The following ATP2C2 variants were observed in gnomAD, a reference collection of about 807,000 sequenced individuals.
ATP2C2 encodes the protein calcium-transporting ATPase type 2C member 2.
Under a neutral mutation model 110.8 loss-of-function variants are expected in ATP2C2, and 171 were observed. The ratio of observed to expected loss-of-function variants is 1.54; its 90% CI spans 1.36 to 1.75. ATP2C2 has a LOEUF of 1.75. ATP2C2 is among the 40% of genes most tolerant of loss of function. The pLI is 0.00. For missense variants in ATP2C2, 1,963 were observed against 1,235.0 expected, an observed-to-expected ratio of 1.59 and a Z score of -8.84; for synonymous variants, 804 against 508.4, an observed-to-expected ratio of 1.58 and a Z score of -7.82.
intron 1 of ATP2C2, among the ~76,000 whole-genome samples, chr16:84,387,104 A>G (rs1160193534): frequency 1.3e-5 from 2 of 151,150 alleles, no homozygotes; most frequent in Admixed American, 1.3e-4. Context: ...CTGAACAAGC[A>G]TGCCGCGCTC....
At chr16:84,422,562 C>T in intron 8 of ATP2C2, 23 bp downstream of exon 8, 1 of 1,612,532 alleles carries the variant, frequency 6.2e-7, no homozygotes, top group Non-Finnish European at 8.5e-7. Context: ...ACACCGAGGC[C>T]TTGGGCTCCC....
chr16:84,450,003 C>G (rs1213234577), intron 17 of ATP2C2, among the ~76,000 whole-genome samples: 2 of 152,228 alleles, frequency 1.3e-5, no homozygotes, highest in African/African-American at 4.8e-5. Flanking sequence ...GGTGACACAG[C>G]CCTGCCTAGT....
In ATP2C2 at chr16:84,448,686, C is replaced by G. The variant is rs373029761; in HGVS notation, c.1657C>G (p.Arg553Gly). ...GAAGAGGATGGGGTCGCTCGGTTTG[C>G]GGGGTCAGTGCCTGTGGTCCCGGCC... ...EEKRMGSLGL[R>G]VLALASGPEL... The change falls in exon 17 of 27, where the codon CGG (arginine) becomes GGG (glycine). Residue 553 changes from arginine (R) to glycine (G), a missense_variant. Physicochemically the swap from Arg to Gly is moderately radical, Grantham distance 125. Coordinates refer to ENST00000262429, the MANE Select transcript of ATP2C2 (RefSeq NM_014861.4). 2.5e-6 allele frequency: 4 copies of G among 1,610,628 alleles called. No individual in the cohort carries two copies. The African/African-American group carries it at 5.3e-5, about 22-fold the overall frequency.
intron 24 of ATP2C2, 52 bp from the exon 25 acceptor site, chr16:84,461,662 A>G (rs1911352406): frequency 6.5e-7 from 1 of 1,527,670 alleles, no homozygotes; most frequent in East Asian, 2.2e-5. Context: ...TTGGTTCAGG[A>G]TGGAGGTTGT....
Position 84,372,421 on chromosome 16 carries a change from T to G in ATP2C2, c.99+3707T>G, listed in dbSNP as rs545796378. On this transcript the variant is annotated intron_variant, in intron 1 of 26. Transcript: ENST00000262429. ...ACATGTGGGCATCTTCTTAAAGAAA[T>G]GTACTGCAACCCCACAGTGTTTTTT... Among the ~76,000 whole-genome samples, 140 of 152,254 alleles carry G rather than the reference T, an allele frequency of 9.2e-4. 1 individual carries two copies. The highest frequency in any genetic ancestry group is 3.2e-3 in the African/African-American group (134 of 41,558).
chr16:84,408,153 C>T (rs991821285), intron 3 of ATP2C2, among the ~76,000 whole-genome samples: 1 of 152,216 alleles, frequency 6.6e-6, no homozygotes, highest in Non-Finnish European at 1.5e-5. Flanking sequence ...AGACCAAGAA[C>T]TCAAAGGCAG....
rs1911383121 is a variant in ATP2C2 at position 84,461,831 on chromosome 16, C to T, written c.2580+19C>T. On this transcript the variant is annotated intron_variant, in intron 25 of 26. Coordinates refer to ENST00000262429, the MANE Select transcript of ATP2C2 (RefSeq NM_014861.4). ...CTCTCAGGTGAGACCCGGGCTGACC[C>T]TCCTCGCTGCAGAGCTGCTGTGTGT... The T allele has an allele frequency of 6.2e-7, 1 of 1,611,386 alleles. No homozygotes were observed. The highest frequency in any genetic ancestry group is 1.1e-5 in the South Asian group (1 of 91,022).
chr16:84,409,621 C>A (rs141961354), intron 4 of ATP2C2, among the ~76,000 whole-genome samples: 1 of 152,066 alleles, frequency 6.6e-6, no homozygotes, highest in Non-Finnish European at 1.5e-5. Context: ...GCCTTCTGAG[C>A]AGCTGGGATT....
At position 84,449,417 on chromosome 16, in the gene ATP2C2, G is replaced by GC. The variant is rs537493574; in HGVS notation, c.1660+735dup. On this transcript the variant is annotated intron_variant, in intron 17 of 26. Transcript: ENST00000262429. ...GCGTTCCCCAAAGCATTGGCACTTT[G>GC]CCCCCCCAAATGGTTTGTGTTGCGC... Among the ~76,000 whole-genome samples the GC allele has an allele frequency of 1.9e-3, 291 of 152,214 alleles. 1 individual carries two copies. The highest frequency in any genetic ancestry group is 4.9e-3 in the African/African-American group (202 of 41,534).
chr16:84,409,874 A>G (rs1906116076), intron 4 of ATP2C2, among the ~76,000 whole-genome samples: 1 of 152,172 alleles, frequency 6.6e-6, no homozygotes, highest in African/African-American at 2.4e-5. Context: ...AAATACAAAC[A>G]CAGACTCATT....
chr16:84,423,433 A>G (rs1188770762), intron 10 of ATP2C2, among the ~76,000 whole-genome samples, 170 bp downstream of exon 10: 1 of 152,238 alleles, frequency 6.6e-6, no homozygotes, highest in Non-Finnish European at 1.5e-5. Context: ...TAGTTGGACC[A>G]GGCTGGCTGC....
intron 1 of ATP2C2, among the ~76,000 whole-genome samples, chr16:84,389,761 C>T (rs912550900): frequency 1.8e-4 from 26 of 147,484 alleles, no homozygotes; most frequent in South Asian, 2.1e-4. Context: ...AGCTCTGTCA[C>T]CCAGGCTGGA....
At chr16:84,427,151 G>A (rs778021469) in intron 11 of ATP2C2, among the ~76,000 whole-genome samples, 38 of 152,194 alleles carry the variant, frequency 2.5e-4, no homozygotes, top group Admixed American at 1.0e-3. Context: ...TGTCTGCAAC[G>A]TGTTTTTAGG....
At chr16:84,409,561 C>T (rs935649980) in intron 4 of ATP2C2, among the ~76,000 whole-genome samples, 1 of 152,042 alleles carries the variant, frequency 6.6e-6, no homozygotes, top group Non-Finnish European at 1.5e-5. Flanking sequence ...CCAGGCTGGA[C>T]AGCAGTGCCG....
chr16:84,398,623 T>G lies in ATP2C2; in HGVS notation c.210+14T>G, dbSNP rs752169772. ...AGAGCGTTTTGTGTAAGAATTGAAT[T>G]TGCATCTGGAGCTAATTGTGATAAG... On this transcript the variant is annotated intron_variant, in intron 2 of 26. Coordinates refer to ENST00000262429, the MANE Select transcript of ATP2C2 (RefSeq NM_014861.4). 1 of 1,586,444 alleles carries G rather than the reference T, an allele frequency of 6.3e-7. No homozygotes were observed. Among genetic ancestry groups the G allele is most frequent in the Non-Finnish European group, 8.6e-7 (1 of 1,160,368 alleles).
Position 84,408,667 on chromosome 16 carries a change from G to T in ATP2C2, c.417+173G>T, listed in dbSNP as rs1190224258. Among the ~76,000 whole-genome samples, 5 of 152,084 alleles carry T rather than the reference G, an allele frequency of 3.3e-5. No individual in the cohort carries two copies. The East Asian group carries it at 7.7e-4, about 24-fold the overall frequency. Reference sequence around the variant, plus strand: ...TCCTTCTTTACCCTAATATCAAGGTGCCCTGGTTTATTCGGCCACTGCTTG... The same window carrying T: ...TCCTTCTTTACCCTAATATCAAGGTTCCCTGGTTTATTCGGCCACTGCTTG... On this transcript the variant is annotated intron_variant, in intron 4 of 26. Coordinates refer to ENST00000262429, the MANE Select transcript of ATP2C2 (RefSeq NM_014861.4).
chr16:84,382,646 C>G (rs574512010), intron 1 of ATP2C2, among the ~76,000 whole-genome samples: 1 of 152,306 alleles, frequency 6.6e-6, no homozygotes, highest in African/African-American at 2.4e-5. Context: ...GTAATCCTAG[C>G]ACTTTGGGAG....
intron 1 of ATP2C2, among the ~76,000 whole-genome samples, chr16:84,386,329 C>G (rs1904322573): frequency 6.6e-6 from 1 of 152,104 alleles, no homozygotes; most frequent in South Asian, 2.1e-4. Flanking sequence ...CCATATATTC[C>G]AGTCCAATAA....
rs1911419531 is a variant in ATP2C2 at position 84,462,059 on chromosome 16, G to C, written c.2652G>C (p.Leu884=). The C allele has an allele frequency of 2.5e-6, 4 of 1,613,926 alleles. No homozygotes were observed. The South Asian group carries it at 4.4e-5, about 18-fold the overall frequency. ...TCTACTCCGTCCTGGGGTCCATCCT[G>C]GGGCAGCTGGCGGTCATTTACATCC... ...MFLYSVLGSI[L]GQLAVIYIPP... Residue 884 remains leucine, a synonymous_variant, in exon 26 of 27, where the codon CTG becomes CTC. Coordinates refer to ENST00000262429, the MANE Select transcript of ATP2C2 (RefSeq NM_014861.4).
Sources: gnomAD v4.1 joint callset for allele counts (sites outside exome capture counted in the v4.1 genomes callset) on GRCh38, gnomAD v4.1.1 for gene constraint, MANE v1.5 for transcripts, NCBI Gene and HGNC (gene_info 2026-07-23, HGNC 2026-07-21) for gene names.